IGSF3: variants seen among roughly 807,000 people sequenced by gnomAD.
IGSF3 encodes the protein glu-Trp-Ile EWI motif-containing protein 3.
IGSF3 carries 23 observed loss-of-function variants against 114.4 expected under a neutral mutation model. The ratio of observed to expected loss-of-function variants is 0.20; its 90% confidence interval spans 0.14 to 0.28. The LOEUF (loss-of-function observed/expected upper bound fraction) is 0.28, where lower values mean the gene tolerates loss of function less well. Among genes scored for constraint, IGSF3 ranks in the 10% least tolerant of loss-of-function variants. The pLI, the probability that IGSF3 is intolerant of heterozygous loss-of-function variation, is 1.00. For missense variants in IGSF3, 1,172 were observed against 1,591.5 expected, an observed-to-expected ratio of 0.74 and a Z score of 4.48; for synonymous variants, 571 against 645.2, an observed-to-expected ratio of 0.88 and a Z score of 1.74.
chr1:116,656,037 T>TA (rs1557887458), intron 2 of IGSF3, among the ~76,000 whole-genome samples: 1 of 152,108 alleles, frequency 6.6e-6, no homozygotes, highest in African/African-American at 2.4e-5. Context: ...CAACCAGCTA[T>TA]AAAATAACCA....
chr1:116,605,649 C>T lies in IGSF3; in HGVS notation c.1223-1624G>A, dbSNP rs1461305173. Among the ~76,000 whole-genome samples the T allele has an allele frequency of 6.6e-6, 1 of 152,170 alleles. No individual in the cohort carries two copies. The highest frequency in any genetic ancestry group is 1.5e-5 in the Non-Finnish European group (1 of 68,036). The stretch of plus-strand genomic sequence containing the variant: ...AAAATGGAGATACTAATAGTGCCTA[C>T]TTCTTAGGGCATGACATTGAGAGGA... On this transcript the variant is annotated intron_variant, in intron 5 of 10. Transcript: ENST00000369486. The surrounding 1 kb of genome is among the most constrained non-coding windows in gnomAD (Gnocchi z 5.1).
At position 116,666,557 on chromosome 1, in the gene IGSF3, A is replaced by C. The variant is rs1453718917; in HGVS notation, c.-231T>G. On this transcript the variant is annotated 5_prime_UTR_variant, in exon 2 of 11. In the 5' UTR this introduces an upstream ATG that the reference lacks. Transcript: ENST00000369486. Reference sequence around the variant, plus strand: ...CTATGCTACAGGAAGGGTCCACAACAATTCGGAAGTCGCTCCCGGCTCCTG... The same window carrying C: ...CTATGCTACAGGAAGGGTCCACAACCATTCGGAAGTCGCTCCCGGCTCCTG... The C allele has an allele frequency of 5.0e-6, 3 of 598,982 alleles. No homozygotes were observed. Among genetic ancestry groups the C allele is most frequent in the South Asian group, 2.1e-5 (1 of 48,764 alleles). The allele number at this position is 598,982 out of a possible 1,614,324, so 37.1% of individuals were successfully genotyped here.
Position 116,579,360 on chromosome 1 carries a change from T to C in IGSF3, c.3334+32A>G. On this transcript the variant is annotated intron_variant, in intron 10 of 10. Transcript: ENST00000369486. This position sits in a 1 kb window ranked among gnomAD's most constrained non-coding sequence, Gnocchi z 6.4. ...TTCCAGACACAGTTGGAACCAACAG[T>C]GACATCCTCCCTCTGTACTTGGGAA... is the stretch of plus-strand genomic sequence containing the variant. 6.6e-7 allele frequency: 1 copy of C among 1,522,030 alleles called. No individual in the cohort carries two copies. The highest frequency in any genetic ancestry group is 8.8e-7 in the Non-Finnish European group (1 of 1,135,226). 94.3% of individuals were successfully genotyped at this position (1,522,030 alleles called of 1,614,324 possible). A position where few individuals can be genotyped will look rare whatever the true frequency, so the allele number is the denominator to read the frequency against.
At position 116,633,771 on chromosome 1, in the gene IGSF3, A is replaced by G. The variant is rs1206196951; in HGVS notation, c.44-17314T>C. 6.6e-6 allele frequency among the ~76,000 whole-genome samples: 1 copy of G among 152,260 alleles called. No homozygotes were observed. Among genetic ancestry groups the G allele is most frequent in the East Asian group, 1.9e-4 (1 of 5,198 alleles). On this transcript the variant is annotated intron_variant, in intron 2 of 10. Transcript: ENST00000369486. This position sits in a 1 kb window ranked among gnomAD's most constrained non-coding sequence, Gnocchi z 4.3. Reference sequence around the variant, plus strand: ...AGGGGTGAAAGAACACTGAGAAACCATAGAAAGCAAAAATGAAAAGCCAAC... The same window carrying G: ...AGGGGTGAAAGAACACTGAGAAACCGTAGAAAGCAAAAATGAAAAGCCAAC...
In IGSF3 at chr1:116,600,309, G is replaced by A. The variant is rs769834368; in HGVS notation, c.1661C>T (p.Pro554Leu). The change falls in exon 7 of 11, where the codon CCG becomes CTG. Residue 554 changes from proline (P) to leucine (L), a missense_variant. Pro to Leu is a moderately conservative substitution (Grantham distance 98). Transcript: ENST00000369486. This position sits in a 1 kb window ranked among gnomAD's most constrained non-coding sequence, Gnocchi z 5.5. ...AAAGGAGTCGCTGTAGGTCACCCCC[G>A]GTGTCCGGGAGATGGCTGTGACTGC... ...GFAVTAISRT[P>L]GVTYSDSFDL... is the part of the protein sequence containing the mutation. 4.3e-6 allele frequency: 7 copies of A among 1,611,920 alleles called. No individual in the cohort carries two copies. The highest frequency in any genetic ancestry group is 1.1e-5 in the South Asian group (1 of 90,990).
Position 116,629,992 on chromosome 1 carries a change from T to G in IGSF3, c.44-13535A>C, listed in dbSNP as rs1412839120. 6.6e-6 allele frequency among the ~76,000 whole-genome samples: 1 copy of G among 152,166 alleles called. No individual in the cohort carries two copies. Among genetic ancestry groups the G allele is most frequent in the Non-Finnish European group, 1.5e-5 (1 of 68,028 alleles). The stretch of plus-strand genomic sequence containing the variant: ...GAATGACAGATGGTTTGAGGAATCT[T>G]GAGAAAGCAGAAGTTTAGGCATTAA... On this transcript the variant is annotated intron_variant, in intron 2 of 10. Transcript: ENST00000369486. This position sits in a 1 kb window ranked among gnomAD's most constrained non-coding sequence, Gnocchi z 4.3.
Position 116,629,788 on chromosome 1 carries a change from C to T in IGSF3, c.44-13331G>A, listed in dbSNP as rs1647472943. Among the ~76,000 whole-genome samples the T allele has an allele frequency of 6.6e-6, 1 of 152,156 alleles. No individual in the cohort carries two copies. Among genetic ancestry groups the T allele is most frequent in the Non-Finnish European group, 1.5e-5 (1 of 68,032 alleles). On this transcript the variant is annotated intron_variant, in intron 2 of 10. Coordinates refer to ENST00000369486, the MANE Select transcript of IGSF3 (RefSeq NM_001007237.3). This position sits in a 1 kb window ranked among gnomAD's most constrained non-coding sequence, Gnocchi z 4.3. ...TTACTTTTTCTTAAAGCTGTTTAGCCGCTTTCCTAAAAACTCCTATTTTCT... is the reference window on the plus strand; with the variant it reads ...TTACTTTTTCTTAAAGCTGTTTAGCTGCTTTCCTAAAAACTCCTATTTTCT...
At position 116,616,450 on chromosome 1, in the gene IGSF3, C is replaced by T. The variant is rs763449174; in HGVS notation, c.51G>A (p.Val17=). 6.3e-7 allele frequency: 1 copy of T among 1,592,530 alleles called. No individual in the cohort carries two copies. Among genetic ancestry groups the T allele is most frequent in the East Asian group, 2.3e-5 (1 of 44,392 alleles). The change falls in exon 3 of 11, where the codon GTG becomes GTA. Residue 17 remains valine (V), a synonymous_variant. Coordinates refer to ENST00000369486, the MANE Select transcript of IGSF3 (RefSeq NM_001007237.3). The surrounding 1 kb of genome is among the most constrained non-coding windows in gnomAD (Gnocchi z 6.6). ...VLSCLAVLGV[V]SAQRQVTVQE... The stretch of plus-strand genomic sequence containing the variant: ...GAACGGTGACCTGCCGCTGTGCTGA[C>T]ACCACACCTACGAGGGAGAGAAACA...
In IGSF3 at chr1:116,644,425, T is replaced by C; in HGVS notation, c.43+21859A>G. On this transcript the variant is annotated intron_variant, in intron 2 of 10. Coordinates refer to ENST00000369486, the MANE Select transcript of IGSF3 (RefSeq NM_001007237.3). This position sits in a 1 kb window ranked among gnomAD's most constrained non-coding sequence, Gnocchi z 5.6. ...GCAGGAATTCAGCCTCTGGCAGCCG[T>C]GATGATGCTGAGGCAGTGTCCCCAC... Among the ~76,000 whole-genome samples the C allele has an allele frequency of 6.6e-6, 1 of 152,124 alleles. No individual in the cohort carries two copies.
chr1:116,592,210 C>A lies in IGSF3; in HGVS notation c.2030-3106G>T, dbSNP rs1204708747. On this transcript the variant is annotated intron_variant, in intron 7 of 10. Coordinates refer to ENST00000369486, the MANE Select transcript of IGSF3 (RefSeq NM_001007237.3). The surrounding 1 kb of genome is among the most constrained non-coding windows in gnomAD (Gnocchi z 4.5). ...AGATCCCCAGGTGATTCACAAGTAG[C>A]TTCAAGCCTGAGAAACCCTGGACTT... 6.6e-6 allele frequency among the ~76,000 whole-genome samples: 1 copy of A among 152,218 alleles called. No individual in the cohort carries two copies. Among genetic ancestry groups the A allele is most frequent in the Admixed American group, 6.5e-5 (1 of 15,284 alleles).
intron 1 of IGSF3, among the ~76,000 whole-genome samples, chr1:116,667,323 C>T (rs1320884751): frequency 6.6e-6 from 1 of 152,152 alleles, no homozygotes; most frequent in African/African-American, 2.4e-5. Context: ...GGGAGCTCTG[C>T]GCGCGACGCG....
intron 9 of IGSF3, among the ~76,000 whole-genome samples, chr1:116,580,773 A>T (rs1281028698): frequency 6.6e-6 from 1 of 152,240 alleles, no homozygotes; most frequent in African/African-American, 2.4e-5. Context: ...TAGTGTCCTT[A>T]TGAGCACAGG....
Position 116,666,433 on chromosome 1 carries a change from T to C in IGSF3, c.-107A>G, listed in dbSNP as rs975398140. On this transcript the variant is annotated 5_prime_UTR_variant, in exon 2 of 11. Coordinates refer to ENST00000369486, the MANE Select transcript of IGSF3 (RefSeq NM_001007237.3). Reference sequence around the variant, plus strand: ...TAGCTCCAGAGAACAGTTTTGGAAATAGAACTTAACTCGGAAAATGGGAAC... The same window carrying C: ...TAGCTCCAGAGAACAGTTTTGGAAACAGAACTTAACTCGGAAAATGGGAAC... 34 of 1,042,834 alleles carry C rather than the reference T, an allele frequency of 3.3e-5. No homozygotes were observed. Among genetic ancestry groups the C allele is most frequent in the Non-Finnish European group, 5.0e-5 (33 of 665,920 alleles). The allele number at this position is 1,042,834 out of a possible 1,614,324, so 64.6% of individuals were successfully genotyped here.
rs778665539 is a variant in IGSF3 at position 116,613,998 on chromosome 1, C to T, written c.599G>A (p.Arg200Gln). The T allele has an allele frequency of 2.9e-5, 47 of 1,613,914 alleles. No homozygotes were observed. The highest frequency in any genetic ancestry group is 3.5e-5 in the Non-Finnish European group (41 of 1,179,950). Residue 200 changes from arginine (R) to glutamine (Q), a missense_variant, in exon 4 of 11, where the codon CGA (arginine) becomes CAA (glutamine). Transcript: ENST00000369486. ...EKPVEVISLSRDFMLHSSSEY... is the reference protein window; with the variant it reads ...EKPVEVISLSQDFMLHSSSEY... ...GCTGCTGGAGTGAAGCATGAAATCTCGGCTCAGGGAGATGACCTCCACGGG... is the reference window on the plus strand; with the variant it reads ...GCTGCTGGAGTGAAGCATGAAATCTTGGCTCAGGGAGATGACCTCCACGGG...
chr1:116,624,787 A>G lies in IGSF3; in HGVS notation c.44-8330T>C, dbSNP rs1661525136. 6.6e-6 allele frequency among the ~76,000 whole-genome samples: 1 copy of G among 152,218 alleles called. No homozygotes were observed. The highest frequency in any genetic ancestry group is 2.1e-4 in the South Asian group (1 of 4,826). On this transcript the variant is annotated intron_variant, in intron 2 of 10. Coordinates refer to ENST00000369486, the MANE Select transcript of IGSF3 (RefSeq NM_001007237.3). The surrounding 1 kb of genome is among the most constrained non-coding windows in gnomAD (Gnocchi z 4.9). The stretch of plus-strand genomic sequence containing the variant: ...CACTCAGGGTGTCCTGAACCACCAC[A>G]TAAGACAGCCAACGGTCCTGAGGCC...
rs1659716069 is a variant in IGSF3, at chr1:116,584,162, C to A, written c.2848+483G>T. On this transcript the variant is annotated intron_variant, in intron 9 of 10. Transcript: ENST00000369486. This position sits in a 1 kb window ranked among gnomAD's most constrained non-coding sequence, Gnocchi z 5.8. ...CGAGATCGCACCACTGCACTCTGCA[C>A]TCCAGCCTGGGTGACAGAGTGAGAC... Among the ~76,000 whole-genome samples the A allele has an allele frequency of 6.6e-6, 1 of 150,846 alleles. No individual in the cohort carries two copies. Among genetic ancestry groups the A allele is most frequent in the Admixed American group, 6.6e-5 (1 of 15,166 alleles).
chr1:116,623,755 G>A (rs1661490078), intron 2 of IGSF3, among the ~76,000 whole-genome samples: 1 of 151,444 alleles, frequency 6.6e-6, no homozygotes, highest in South Asian at 2.1e-4. Flanking sequence ...AAGCCCACAG[G>A]TGCAAGGACC....
chr1:116,616,336 G>T lies in IGSF3; in HGVS notation c.165C>A (p.Phe55Leu). Residue 55 changes from phenylalanine to leucine, a missense_variant, in exon 3 of 11, where the codon TTC (phenylalanine) becomes TTA (leucine). Phe to Leu is a conservative substitution (Grantham distance 22, BLOSUM62 0). This residue lies in a region of IGSF3 where 736 missense variants were observed against 1,042.0 expected (regional missense o/e 0.71). Coordinates refer to ENST00000369486, the MANE Select transcript of IGSF3 (RefSeq NM_001007237.3). The surrounding 1 kb of genome is among the most constrained non-coding windows in gnomAD (Gnocchi z 6.6). ...ACGAAGGCAGGTAAATGGACCACTG[G>T]AAATTCTGCTCAGAAGGTCCCTGGT... is the stretch of plus-strand genomic sequence containing the variant. ...SGYQGPSEQN[F>L]QWSIYLPSSP... 2.5e-6 allele frequency: 4 copies of T among 1,612,180 alleles called. No homozygotes were observed. The highest frequency in any genetic ancestry group is 3.4e-6 in the Non-Finnish European group (4 of 1,179,946).
rs1648286146 is a variant in IGSF3 at position 116,644,778 on chromosome 1, G to A, written c.43+21506C>T. 6.6e-6 allele frequency among the ~76,000 whole-genome samples: 1 copy of A among 152,324 alleles called. No individual in the cohort carries two copies. Among genetic ancestry groups the A allele is most frequent in the South Asian group, 2.1e-4 (1 of 4,828 alleles). ...GGCTCCAAATGGTCAGACTTCCCAA[G>A]AAATTCCTGTGAAAAGGACAGGCTC... On this transcript the variant is annotated intron_variant, in intron 2 of 10. Coordinates refer to ENST00000369486, the MANE Select transcript of IGSF3 (RefSeq NM_001007237.3). This position sits in a 1 kb window ranked among gnomAD's most constrained non-coding sequence, Gnocchi z 5.6.
Sources: allele counts gnomAD v4.1 joint callset (sites outside exome capture counted in the v4.1 genomes callset), GRCh38; gene constraint gnomAD v4.1.1; regional missense constraint gnomAD v4.1.1; non-coding constraint Gnocchi (gnomAD v3.1); transcripts MANE v1.5; gene names NCBI Gene and HGNC (gene_info 2026-07-23, HGNC 2026-07-21).